Variants in CSMD3 observed in about 807,000 individuals in gnomAD.
CSMD3 encodes CUB and Sushi multiple domains 3, also known as CUB and sushi domain-containing protein 3.
CSMD3 carries 177 observed loss-of-function variants against 435.2 expected under a neutral mutation model. That is an observed-to-expected ratio of 0.41 (90% confidence interval 0.36 to 0.46). The LOEUF (loss-of-function observed/expected upper bound fraction) is 0.46. Ranked by LOEUF, CSMD3 falls within the 20% of genes least tolerant of loss-of-function variation. CSMD3 has a pLI of 0.34. For synonymous variants in CSMD3, 1,656 were observed against 1,520.5 expected (o/e 1.09, Z -2.07); for missense variants, 4,265 against 4,504.6 (o/e 0.95, Z 1.52).
chr8:112,383,777 A>C (rs1276016150), intron 36 of CSMD3, 114 bp from the exon 37 acceptor site: 2 of 748,514 alleles, frequency 2.7e-6, no homozygotes, highest in Non-Finnish European at 2.4e-6. Context: ...CATAATTGTG[A>C]CCCTTCATAG....
At chr8:113,310,074 A>G (rs1216131373) in intron 2 of CSMD3, 2 of 152,202 alleles carry the variant, frequency 1.3e-5, no homozygotes, top group Non-Finnish European at 2.9e-5. Flanking sequence ...GCCATATCAA[A>G]GTAGCAATGA....
chr8:113,001,156 C>T (rs1328008234), intron 6 of CSMD3, among the ~76,000 whole-genome samples: 1 of 152,044 alleles, frequency 6.6e-6, no homozygotes, highest in African/African-American at 2.4e-5. Context: ...CAACACAACG[C>T]TGTTTCCTAC....
At chr8:113,426,000 A>G (rs778544173) in intron 1 of CSMD3, among the ~76,000 whole-genome samples, 9 of 151,540 alleles carry the variant, frequency 5.9e-5, no homozygotes, top group Admixed American at 2.0e-4. Context: ...CACTGAGTAA[A>G]TATTTTGTCT....
At chr8:112,336,592 TC>T (rs1180678389) in intron 44 of CSMD3, 59 bp downstream of exon 44, 37 of 1,298,140 alleles carry the variant, frequency 2.9e-5, no homozygotes, top group Non-Finnish European at 3.8e-5. Context: ...ATATTTTTAT[TC>T]CAACCTTGTT....
At chr8:112,496,331 C>T (rs934058813) in intron 30 of CSMD3, among the ~76,000 whole-genome samples, 2 of 152,048 alleles carry the variant, frequency 1.3e-5, no homozygotes, top group African/African-American at 2.4e-5. Flanking sequence ...AAAAGACAAA[C>T]CTCATATACA....
chr8:112,342,643 A>G (rs1231509046), intron 41 of CSMD3, among the ~76,000 whole-genome samples: 1 of 152,062 alleles, frequency 6.6e-6, no homozygotes, highest in Non-Finnish European at 1.5e-5. Flanking sequence ...CTTGAACTGC[A>G]AACCGAGGCA....
At chr8:113,409,560 A>T (rs1182255792) in intron 1 of CSMD3, among the ~76,000 whole-genome samples, 1 of 152,180 alleles carries the variant, frequency 6.6e-6, no homozygotes, top group African/African-American at 2.4e-5. Flanking sequence ...CAAATAACAC[A>T]AATGTAAATA....
At chr8:113,127,806 C>T (rs541529726) in intron 4 of CSMD3, among the ~76,000 whole-genome samples, 3 of 152,194 alleles carry the variant, frequency 2.0e-5, no homozygotes, top group African/African-American at 7.2e-5. Flanking sequence ...TAATTATTTC[C>T]TGTAAGTACC....
chr8:113,075,366 T>A (rs1564284678), intron 5 of CSMD3, among the ~76,000 whole-genome samples: 2 of 151,978 alleles, frequency 1.3e-5, no homozygotes, highest in East Asian at 3.9e-4. Flanking sequence ...AAATGTCTGC[T>A]AATCTTAGTC....
chr8:112,236,433 T>G (rs1813605390), intron 67 of CSMD3, among the ~76,000 whole-genome samples: 1 of 152,090 alleles, frequency 6.6e-6, no homozygotes, highest in African/African-American at 2.4e-5. Flanking sequence ...GCAAAGAGCT[T>G]TCTTAGAATT....
At chr8:113,322,483 T>A (rs1210645729) in intron 1 of CSMD3, among the ~76,000 whole-genome samples, 1 of 152,052 alleles carries the variant, frequency 6.6e-6, no homozygotes, top group Admixed American at 6.5e-5. Flanking sequence ...GTAGGCCTGT[T>A]TTGAGATGTT....
At chr8:113,430,592 T>C (rs2094666289) in intron 1 of CSMD3, among the ~76,000 whole-genome samples, 1 of 152,166 alleles carries the variant, frequency 6.6e-6, no homozygotes, top group African/African-American at 2.4e-5. Context: ...AGCATCTGAT[T>C]CAACAGACCT....
intron 1 of CSMD3, among the ~76,000 whole-genome samples, chr8:113,409,104 G>A (rs112427386): frequency 0.034 from 2,911 of 86,746 alleles, 101 homozygotes; most frequent in African/African-American, 0.11. Context: ...TTTTTTTTGA[G>A]ATGGAGTCTC....
chr8:112,662,995 G>C (rs2075424812), intron 17 of CSMD3, among the ~76,000 whole-genome samples: 1 of 152,118 alleles, frequency 6.6e-6, no homozygotes, highest in Non-Finnish European at 1.5e-5. Context: ...ACACCAGTTA[G>C]AATGGCGATC....
intron 23 of CSMD3, among the ~76,000 whole-genome samples, chr8:112,574,017 A>G (rs1829743392): frequency 6.6e-6 from 1 of 151,988 alleles, no homozygotes; most frequent in Non-Finnish European, 1.5e-5. Flanking sequence ...TTTCTCTGCA[A>G]CTTTCTCAAG....
At chr8:112,649,445 G>A (rs139634631) in intron 19 of CSMD3, among the ~76,000 whole-genome samples, 176 of 152,296 alleles carry the variant, frequency 1.2e-3, no homozygotes, top group African/African-American at 3.9e-3. Context: ...TCAAGAAATA[G>A]TAAGTGTAGA....
intron 6 of CSMD3, among the ~76,000 whole-genome samples, chr8:113,000,036 A>T (rs564595022): frequency 6.6e-6 from 1 of 152,144 alleles, no homozygotes; most frequent in South Asian, 2.1e-4. Flanking sequence ...TAGAGGATTT[A>T]AAGCTATGGA....
intron 32 of CSMD3, among the ~76,000 whole-genome samples, chr8:112,443,350 A>G (rs1815249591): frequency 1.3e-5 from 2 of 152,228 alleles, no homozygotes; most frequent in Admixed American, 1.3e-4. Context: ...GCCAAAGTCC[A>G]AATAGGAAGA....
chr8:113,005,613 G>A (rs2086028118), intron 6 of CSMD3, among the ~76,000 whole-genome samples: 2 of 151,760 alleles, frequency 1.3e-5, no homozygotes, highest in South Asian at 2.1e-4. Context: ...TAACTGAAAA[G>A]GAATATAATG....
Sources: allele counts gnomAD v4.1 joint callset (sites outside exome capture counted in the v4.1 genomes callset), GRCh38; gene constraint gnomAD v4.1.1; transcripts MANE v1.5; gene names NCBI Gene and HGNC (gene_info 2026-07-23, HGNC 2026-07-21).